Variants in PKD1L3 observed in about 807,000 individuals in gnomAD.
PKD1L3 encodes the protein polycystin-1-like protein 3.
PKD1L3 carries 239 observed loss-of-function variants against 184.1 expected under a neutral mutation model. The observed-to-expected ratio is 1.30, with a 90% CI of 1.17 to 1.45. The LOEUF (loss-of-function observed/expected upper bound fraction) is 1.45, where lower values mean the gene tolerates loss of function less well. PKD1L3 is among the 40% of genes most tolerant of loss of function. The pLI, the probability that PKD1L3 is intolerant of heterozygous loss-of-function variation, is 0.00. For missense variants in PKD1L3, 2,660 were observed against 2,067.2 expected (o/e 1.29, Z -5.56); for synonymous variants, 996 against 778.8 (o/e 1.28, Z -4.64).
chr16:71,963,939 G>A (rs1162471427), intron 15 of PKD1L3, among the ~76,000 whole-genome samples: 1 of 152,148 alleles, frequency 6.6e-6, no homozygotes, highest in Non-Finnish European at 1.5e-5. Context: ...ATATGTGACA[G>A]TGGCTTGCCA....
rs2040182456 is a variant in PKD1L3, at chr16:71,982,100, C to T, written c.1102G>A (p.Gly368Arg). Residue 368 changes from glycine (G) to arginine (R), a missense_variant, in exon 7 of 30, where the codon GGA becomes AGA. Gly to Arg is a moderately radical substitution (Grantham distance 125). Coordinates refer to ENST00000620267, the MANE Select transcript of PKD1L3 (RefSeq NM_181536.2). ...FHSLNNVTKA[G>R]EGSWLESKRH... ...TTGGATTCCAGCCAACTTCCTTCTC[C>T]AGCTTTGGTGACATTGTTGAGGGAA... 2 of 1,550,724 alleles carry T rather than the reference C, an allele frequency of 1.3e-6. No homozygotes were observed. The highest frequency in any genetic ancestry group is 1.7e-6 in the Non-Finnish European group (2 of 1,146,750).
At chr16:71,997,966 T>C (rs72787025) in intron 2 of PKD1L3, among the ~76,000 whole-genome samples, 1 of 152,056 alleles carries the variant, frequency 6.6e-6, no homozygotes, top group Non-Finnish European at 1.5e-5. Context: ...GCCCAAATGC[T>C]GACTGAATTA....
At chr16:71,958,559 C>A (rs567115664) in intron 16 of PKD1L3, among the ~76,000 whole-genome samples, 99 of 151,826 alleles carry the variant, frequency 6.5e-4, no homozygotes, top group Non-Finnish European at 1.3e-3. Flanking sequence ...GTGAGTGGAT[C>A]ACCCTGAGGT....
At position 71,998,394 on chromosome 16, in the gene PKD1L3, G is replaced by C; in HGVS notation, c.296C>G (p.Ala99Gly). The change falls in exon 2 of 30, where the codon GCA (alanine) becomes GGA (glycine). Residue 99 changes from alanine to glycine, a missense_variant and splice_region_variant. By Grantham distance (60) the Ala-to-Gly change is moderately conservative. Transcript: ENST00000620267. ...TGGGGGCCCGTTGGCTGCAACGTCT[G>C]CTGAGGGGAGATCAGACGCAGATGA... ...LKKHQDNKYP[A>G]DVAANGPPKP... 6.5e-7 allele frequency: 1 copy of C among 1,548,916 alleles called. No individual in the cohort carries two copies. The highest frequency in any genetic ancestry group is 8.7e-7 in the Non-Finnish European group (1 of 1,146,552).
At chr16:71,977,568 T>C in intron 10 of PKD1L3, 101 bp from the exon 11 acceptor site, 20 of 945,576 alleles carry the variant, frequency 2.1e-5, no homozygotes, top group South Asian at 7.2e-5. Context: ...CTCTTTTTTT[T>C]TTTTTTTTTT....
chr16:71,972,195 G>T (rs570210723), intron 12 of PKD1L3, among the ~76,000 whole-genome samples: 1 of 151,592 alleles, frequency 6.6e-6, no homozygotes, highest in East Asian at 1.9e-4. Context: ...CAGCCTGGCC[G>T]ATAGAGCAAG....
chr16:71,998,456 T>C (rs1234071727), intron 1 of PKD1L3, 62 bp from the exon 2 acceptor site: 1 of 1,507,992 alleles, frequency 6.6e-7, no homozygotes, highest in Non-Finnish European at 8.8e-7. Flanking sequence ...AGGTTTATTT[T>C]TTATTATTGT....
At chr16:71,983,581 T>TA (rs920059085) in intron 6 of PKD1L3, among the ~76,000 whole-genome samples, 2 of 149,768 alleles carry the variant, frequency 1.3e-5, no homozygotes, top group South Asian at 2.1e-4. Context: ...GATTTAAAGG[T>TA]AAAAAAATAT....
At position 71,978,382 on chromosome 16, in the gene PKD1L3, A is replaced by T. The variant is rs977234762; in HGVS notation, c.1400T>A (p.Ile467Lys). The change falls in exon 10 of 30, where the codon ATA becomes AAA. Residue 467 changes from isoleucine (I) to lysine (K), a missense_variant and splice_region_variant. Physicochemically the swap from Ile to Lys is moderately radical, Grantham distance 102. Transcript: ENST00000620267. ...GAAGGGATTGAAAGCTAGTCCTGTTATCTAAAGACAAAGAGAAGCCCAGTT... is the reference window on the plus strand; with the variant it reads ...GAAGGGATTGAAAGCTAGTCCTGTTTTCTAAAGACAAAGAGAAGCCCAGTT... The part of the protein sequence containing the change: ...LNKHPGVNVQ[I>K]TGLAFNPFKD... 1 of 1,547,522 alleles carries T rather than the reference A, an allele frequency of 6.5e-7. No homozygotes were observed. The highest frequency in any genetic ancestry group is 1.4e-5 in the African/African-American group (1 of 72,934).
rs1280540376 is a variant in PKD1L3 at position 71,944,033 on chromosome 16, A to C, written c.3856T>G (p.Leu1286Val). 2 of 1,551,060 alleles carry C rather than the reference A, an allele frequency of 1.3e-6. No homozygotes were observed. The highest frequency in any genetic ancestry group is 1.7e-6 in the Non-Finnish European group (2 of 1,146,894). Residue 1286 changes from leucine to valine, a missense_variant, in exon 23 of 30, where the codon TTG (leucine) becomes GTG (valine). Physicochemically the swap from Leu to Val is conservative, Grantham distance 32 (BLOSUM62 1). Coordinates refer to ENST00000620267, the MANE Select transcript of PKD1L3 (RefSeq NM_181536.2). ...TGTTGCCATTTCCTCTCCATACCCA[A>C]AATATCTCCAGTCAGCTTGAAGAGT... ...KKLFKLTGDI[L>V]VQILFLTLLM... is the part of the protein sequence containing the mutation.
At chr16:71,986,913 G>GTTTTTT (rs1719064036) in intron 4 of PKD1L3, among the ~76,000 whole-genome samples, 1 of 105,672 alleles carries the variant, frequency 9.5e-6, no homozygotes, top group African/African-American at 6.1e-5. Context: ...GTAAGGAGAG[G>GTTTTTT]ATTTTTTTTT....
rs1180351348 is a variant in PKD1L3 at position 71,950,159 on chromosome 16, G to A, written c.3342C>T (p.Leu1114=). ...CCGTGGGAAGAATATGTGTTTCCAA[G>A]AGTTCCTGGAGTTTTTGAAGTTGGC... The part of the protein sequence containing the change: ...AASQLQKLQE[L]LETHILPTEQ... The change falls in exon 20 of 30, where the codon CTC becomes CTT. Residue 1114 remains leucine (L), a synonymous_variant. Transcript: ENST00000620267. 6.4e-7 allele frequency: 1 copy of A among 1,552,240 alleles called. No individual in the cohort carries two copies. The highest frequency in any genetic ancestry group is 8.7e-7 in the Non-Finnish European group (1 of 1,147,092).
chr16:71,990,180 A>G (rs1567552586), intron 4 of PKD1L3, 100 bp downstream of exon 4: 1 of 1,006,644 alleles, frequency 9.9e-7, no homozygotes, highest in Non-Finnish European at 1.4e-6. Context: ...TTAGAAAACT[A>G]TATTCAGAAC....
chr16:71,966,025 A>C (rs1026364672), intron 15 of PKD1L3, among the ~76,000 whole-genome samples: 3 of 152,122 alleles, frequency 2.0e-5, no homozygotes, highest in Admixed American at 6.5e-5. Context: ...ATACTGGAAC[A>C]GAATGGAAGC....
intron 24 of PKD1L3, among the ~76,000 whole-genome samples, chr16:71,940,595 G>A (rs1186884269): frequency 3.9e-5 from 6 of 151,976 alleles, no homozygotes; most frequent in African/African-American, 7.3e-5. Context: ...CGCCTCCTGG[G>A]TTCAAGCAAT....
At position 71,971,341 on chromosome 16, in the gene PKD1L3, G is replaced by T. The variant is rs375882682; in HGVS notation, c.1954-1236C>A. Among the ~76,000 whole-genome samples, 28 of 152,306 alleles carry T rather than the reference G, an allele frequency of 1.8e-4. 1 individual carries two copies. The highest frequency in any genetic ancestry group is 9.8e-4 in the Admixed American group (15 of 15,292). On this transcript the variant is annotated intron_variant, in intron 12 of 29. Transcript: ENST00000620267. ...CTGCATAATATTTAAAAATATGTCA[G>T]TAGGTGATTACATGGAAGCTACCAA...
intron 23 of PKD1L3, among the ~76,000 whole-genome samples, chr16:71,943,303 G>A (rs1366218677): frequency 6.6e-6 from 1 of 152,080 alleles, no homozygotes; most frequent in Non-Finnish European, 1.5e-5. Flanking sequence ...TTGGGAAGCT[G>A]AGACGGGCAG....
At chr16:71,979,571 T>C (rs995880441) in intron 9 of PKD1L3, among the ~76,000 whole-genome samples, 1 of 152,224 alleles carries the variant, frequency 6.6e-6, no homozygotes, top group African/African-American at 2.4e-5. Context: ...TTTAGTTAAA[T>C]CCAGAAATCT....
At chr16:71,996,546 C>T (rs1370536173) in intron 2 of PKD1L3, among the ~76,000 whole-genome samples, 4 of 152,188 alleles carry the variant, frequency 2.6e-5, no homozygotes, top group Non-Finnish European at 5.9e-5. Context: ...AGGCATGAGC[C>T]ACTGTGCCTG....
Sources: gnomAD v4.1 joint callset for allele counts (sites outside exome capture counted in the v4.1 genomes callset) on GRCh38, gnomAD v4.1.1 for gene constraint, MANE v1.5 for transcripts, NCBI Gene and HGNC (gene_info 2026-07-23, HGNC 2026-07-21) for gene names.